NFAT5: variants seen among roughly 807,000 people sequenced by gnomAD.
NFAT5 encodes the protein nuclear factor of activated T cells 5.
In NFAT5, 31 loss-of-function variants were observed where a neutral mutation model predicts 166.5. The ratio of observed to expected loss-of-function variants is 0.19; its 90% CI spans 0.14 to 0.25. The LOEUF (loss-of-function observed/expected upper bound fraction) is 0.25. Ranked by LOEUF, NFAT5 falls within the 10% of genes least tolerant of loss-of-function variation. The pLI is 1.00. For synonymous variants in NFAT5, 612 were observed against 639.7 expected (o/e 0.96, Z 0.65); for missense variants, 1,449 against 1,821.8 (o/e 0.80, Z 3.72).
chr16:69,692,860 G>T lies in NFAT5; in HGVS notation c.3035G>T (p.Gly1012Val). The T allele has an allele frequency of 1.9e-6, 3 of 1,614,178 alleles. No individual in the cohort carries two copies. Among genetic ancestry groups the T allele is most frequent in the Non-Finnish European group, 2.5e-6 (3 of 1,180,038 alleles). ...TSSSGDGEET[G>V]TQAKQIQNSV... ...AGTTCAGGAGATGGAGAAGAAACTG[G>T]AACACAAGCAAAACAGATTCAGAAC... The change falls in exon 13 of 15, where the codon GGA (glycine) becomes GTA (valine). Residue 1012 changes from glycine (G) to valine (V), a missense_variant. This residue lies in a region of NFAT5 where 891 missense variants were observed against 993.0 expected (regional missense o/e 0.90). Coordinates refer to ENST00000349945, the MANE Select transcript of NFAT5 (RefSeq NM_138713.4).
At chr16:69,580,754 C>T (rs1202221862) in intron 2 of NFAT5, among the ~76,000 whole-genome samples, 1 of 152,114 alleles carries the variant, frequency 6.6e-6, no homozygotes, top group Non-Finnish European at 1.5e-5. Context: ...CTCCCAGGTT[C>T]ACGCCATTCT....
chr16:69,693,198 A>G lies in NFAT5; in HGVS notation c.3373A>G (p.Thr1125Ala), dbSNP rs368347584. 21 of 1,614,054 alleles carry G rather than the reference A, an allele frequency of 1.3e-5. No homozygotes were observed. Among genetic ancestry groups the G allele is most frequent in the South Asian group, 9.9e-5 (9 of 91,080 alleles). ...TATTGTCCACAGTCAGACTTCTACA[A>G]CCTCCTCTGAACAAATGCAGCCTCC... Reference protein sequence around the residue: ...NPIVHSQTSTTSSEQMQPPMF... With the variant: ...NPIVHSQTSTASSEQMQPPMF... The change falls in exon 13 of 15, where the codon ACC becomes GCC. Residue 1125 changes from threonine (T) to alanine (A), a missense_variant. Thr to Ala is a moderately conservative substitution (Grantham distance 58). Transcript: ENST00000349945.
intron 2 of NFAT5, among the ~76,000 whole-genome samples, chr16:69,614,790 A>G (rs1279457630): frequency 6.6e-6 from 1 of 151,794 alleles, no homozygotes; most frequent in African/African-American, 2.4e-5. Flanking sequence ...TTAGAATTAT[A>G]TGTCCATTTA....
At chr16:69,614,209 G>A (rs2033833224) in intron 2 of NFAT5, among the ~76,000 whole-genome samples, 1 of 149,528 alleles carries the variant, frequency 6.7e-6, no homozygotes, top group African/African-American at 2.5e-5. Flanking sequence ...AGCCTAGGAT[G>A]TAGTGGCACA....
At chr16:69,580,391 C>T (rs148325830) in intron 2 of NFAT5, among the ~76,000 whole-genome samples, 1 of 151,710 alleles carries the variant, frequency 6.6e-6, no homozygotes, top group Non-Finnish European at 1.5e-5. Flanking sequence ...ATTAGCCAGG[C>T]TTGGTGGCGT....
intron 3 of NFAT5, among the ~76,000 whole-genome samples, chr16:69,635,914 C>T (rs2034945640): frequency 6.6e-6 from 1 of 152,138 alleles, no homozygotes; most frequent in African/African-American, 2.4e-5. Context: ...TCCCAACAGT[C>T]CCCCAAACTC....
chr16:69,574,795 A>G (rs572531669), intron 2 of NFAT5, among the ~76,000 whole-genome samples: 1 of 152,046 alleles, frequency 6.6e-6, no homozygotes, highest in South Asian at 2.1e-4. Flanking sequence ...GAGCCTCCCA[A>G]GTAGCTGGGA....
intron 9 of NFAT5, chr16:69,676,822 A>G (rs1438053613): frequency 6.0e-6 from 1 of 166,584 alleles, no homozygotes; most frequent in African/African-American, 2.4e-5. Context: ...GGAACTCACC[A>G]TTTGAGGAGG....
chr16:69,683,050 A>G (rs13331055), intron 10 of NFAT5, among the ~76,000 whole-genome samples: 24,500 of 152,020 alleles, frequency 0.16, 2,166 homozygotes, highest in East Asian at 0.38. Context: ...CATCTCTACT[A>G]AAAATACAAA....
At chr16:69,593,153 A>G (rs2032576421) in intron 2 of NFAT5, among the ~76,000 whole-genome samples, 1 of 152,196 alleles carries the variant, frequency 6.6e-6, no homozygotes, top group Admixed American at 6.6e-5. Flanking sequence ...AAATTAGCCA[A>G]CAAATGTTAG....
intron 11 of NFAT5, among the ~76,000 whole-genome samples, chr16:69,688,153 G>A (rs2037387483): frequency 1.4e-5 from 2 of 140,650 alleles, no homozygotes; most frequent in African/African-American, 5.2e-5. Context: ...CCGAGATTGC[G>A]CCACTGCAGT....
intron 11 of NFAT5, among the ~76,000 whole-genome samples, chr16:69,689,138 A>G (rs778400072): frequency 1.3e-5 from 2 of 152,120 alleles, no homozygotes; most frequent in Non-Finnish European, 2.9e-5. Flanking sequence ...TTAGTCAGGC[A>G]TGGTGGTGTG....
rs372626767 is a variant in NFAT5, at chr16:69,654,517, G to A, written c.1005+1089G>A. Among the ~76,000 whole-genome samples the A allele has an allele frequency of 3.3e-3, 495 of 152,280 alleles. 30 individuals are homozygous for A. The South Asian group carries it at 0.098, about 30-fold the overall frequency. On this transcript the variant is annotated intron_variant, in intron 5 of 14. Coordinates refer to ENST00000349945, the MANE Select transcript of NFAT5 (RefSeq NM_138713.4). ...CAGGCAAGTGAGAAATCTATGTTAT[G>A]CTTTGTGTAAATATTTGTCTAGCTA...
chr16:69,687,767 TTATAA>T (rs142308160), intron 11 of NFAT5, among the ~76,000 whole-genome samples: 6,629 of 152,192 alleles, frequency 0.044, 482 homozygotes, highest in African/African-American at 0.15. Flanking sequence ...TCTAATTGAA[TTATAA>T]TATAATCTTA....
chr16:69,659,661 T>G, intron 6 of NFAT5, 66 bp from the exon 7 acceptor site: 20 of 1,309,888 alleles, frequency 1.5e-5, no homozygotes, highest in Non-Finnish European at 2.0e-5. Context: ...AACAAACTTG[T>G]TGATTAAGAA....
Position 69,670,218 on chromosome 16 carries a change from A to ACT in NFAT5, c.1505-17_1505-16dup, listed in dbSNP as rs2036570510. On this transcript the variant is annotated splice_polypyrimidine_tract_variant and intron_variant, in intron 8 of 14. Transcript: ENST00000349945. ...AAATAGTTCAAAAATTTAATAAATC[A>ACT]CTTTTTATTTCAATCAGATGAAAAC... 1 of 1,385,034 alleles carries ACT rather than the reference A, an allele frequency of 7.2e-7. No individual in the cohort carries two copies. Among genetic ancestry groups the ACT allele is most frequent in the Non-Finnish European group, 9.5e-7 (1 of 1,053,480 alleles). The allele number at this position is 1,385,034 out of a possible 1,614,324, so 85.8% of individuals were successfully genotyped here.
chr16:69,689,689 C>T (rs1260047135), intron 11 of NFAT5, among the ~76,000 whole-genome samples: 1 of 152,178 alleles, frequency 6.6e-6, no homozygotes, highest in African/African-American at 2.4e-5. Context: ...GATTTACAGG[C>T]ATGTGCCACC....
chr16:69,637,954 C>T (rs2035037353), intron 3 of NFAT5, among the ~76,000 whole-genome samples: 1 of 152,078 alleles, frequency 6.6e-6, no homozygotes, highest in Admixed American at 6.5e-5. Context: ...GGCACGGTGG[C>T]TCACGCCTGT....
intron 10 of NFAT5, among the ~76,000 whole-genome samples, chr16:69,684,380 G>A (rs1317186372): frequency 6.6e-6 from 1 of 151,016 alleles, no homozygotes; most frequent in Admixed American, 6.6e-5. Flanking sequence ...CCAAGATGGT[G>A]AAACCTTGTC....
Sources: allele counts gnomAD v4.1 joint callset (sites outside exome capture counted in the v4.1 genomes callset), GRCh38; gene constraint gnomAD v4.1.1; regional missense constraint gnomAD v4.1.1; transcripts MANE v1.5; gene names NCBI Gene and HGNC (gene_info 2026-07-23, HGNC 2026-07-21).